WDR72: variants seen among roughly 807,000 people sequenced by gnomAD.
WDR72 encodes the protein WD repeat-containing protein 72.
In WDR72, 120 loss-of-function variants were observed where a neutral mutation model predicts 124.2. The observed-to-expected ratio is 0.97, with a 90% CI of 0.83 to 1.12. WDR72 has a LOEUF of 1.12. WDR72 is among the 50% of genes most tolerant of loss of function. The pLI is 0.00. For missense variants in WDR72, 1,387 were observed against 1,278.8 expected, an observed-to-expected ratio of 1.08 and a Z score of -1.29; for synonymous variants, 452 against 441.7, an observed-to-expected ratio of 1.02 and a Z score of -0.29.
chr15:53,641,696 C>CAGA (rs2014857740), intron 14 of WDR72, among the ~76,000 whole-genome samples: 2 of 151,728 alleles, frequency 1.3e-5, no homozygotes, highest in African/African-American at 4.8e-5. Context: ...TTGCATATTT[C>CAGA]TTATGAAATC....
At position 53,639,146 on chromosome 15, in the gene WDR72, CCT is replaced by C. The variant is rs1418940734; in HGVS notation, c.1963-22905_1963-22904del. On this transcript the variant is annotated intron_variant, in intron 14 of 19. Transcript: ENST00000360509. ...CCTTTTCTTTCCCTTCTCTGAATCCCCTCTCTTTCTTCAATGCCTTTCCTACC... is the reference window on the plus strand; with the variant it reads ...CCTTTTCTTTCCCTTCTCTGAATCCCCTCTTTCTTCAATGCCTTTCCTACC... Among the ~76,000 whole-genome samples, 8 of 152,154 alleles carry C rather than the reference CCT, an allele frequency of 5.3e-5. No individual in the cohort carries two copies. The East Asian group carries it at 7.7e-4, about 15-fold the overall frequency.
chr15:53,649,584 A>G (rs1020758530), intron 14 of WDR72, among the ~76,000 whole-genome samples: 2 of 152,100 alleles, frequency 1.3e-5, no homozygotes, highest in African/African-American at 4.8e-5. Flanking sequence ...TTACAACTCT[A>G]TAGCAAAAAA....
At chr15:53,538,687 T>A (rs2140250140) in intron 18 of WDR72, among the ~76,000 whole-genome samples, 1 of 152,314 alleles carries the variant, frequency 6.6e-6, no homozygotes, top group African/African-American at 2.4e-5. Flanking sequence ...TTTGGTTTAT[T>A]ATAAAAAGTT....
At chr15:53,673,853 T>C (rs2016075755) in intron 13 of WDR72, among the ~76,000 whole-genome samples, 1 of 152,040 alleles carries the variant, frequency 6.6e-6, no homozygotes, top group Non-Finnish European at 1.5e-5. Context: ...TAGCCAGGCG[T>C]GGTGCTGCAC....
chr15:53,538,448 T>C (rs531727094), intron 18 of WDR72, among the ~76,000 whole-genome samples: 10 of 152,132 alleles, frequency 6.6e-5, no homozygotes, highest in Non-Finnish European at 1.5e-4. Context: ...GCAAACACAT[T>C]AGTGGAGGAG....
chr15:53,526,766 A>G (rs925923651), intron 18 of WDR72, among the ~76,000 whole-genome samples: 1 of 152,132 alleles, frequency 6.6e-6, no homozygotes, highest in African/African-American at 2.4e-5. Flanking sequence ...TACTTTTGAC[A>G]TCAATATAAT....
intron 18 of WDR72, among the ~76,000 whole-genome samples, chr15:53,558,604 A>G (rs933448418): frequency 2.6e-5 from 4 of 152,010 alleles, no homozygotes; most frequent in African/African-American, 9.7e-5. Flanking sequence ...ACATCCCATT[A>G]AAGTATGTTT....
intron 14 of WDR72, among the ~76,000 whole-genome samples, chr15:53,663,652 C>T (rs2015681504): frequency 6.6e-6 from 1 of 152,040 alleles, no homozygotes; most frequent in Non-Finnish European, 1.5e-5. Flanking sequence ...ACGCATAGGT[C>T]AAGAGACATT....
intron 13 of WDR72, among the ~76,000 whole-genome samples, chr15:53,688,979 T>A (rs2016743969): frequency 6.6e-6 from 1 of 152,200 alleles, no homozygotes; most frequent in South Asian, 2.1e-4. Flanking sequence ...ATTCCCTATT[T>A]AATAAATGGT....
chr15:53,596,547 G>A (rs2012782703), intron 18 of WDR72, among the ~76,000 whole-genome samples: 2 of 152,214 alleles, frequency 1.3e-5, no homozygotes, highest in Non-Finnish European at 2.9e-5. Context: ...AAGGTACAAA[G>A]TAAAAGCAAA....
chr15:53,522,247 T>C (rs1891844539), intron 19 of WDR72, among the ~76,000 whole-genome samples: 1 of 152,010 alleles, frequency 6.6e-6, no homozygotes, highest in Admixed American at 6.6e-5. Flanking sequence ...GACTGTTTGT[T>C]TGCAGCTGCC....
intron 2 of WDR72, among the ~76,000 whole-genome samples, chr15:53,725,894 C>T (rs564647307): frequency 5.3e-5 from 8 of 151,802 alleles, no homozygotes; most frequent in African/African-American, 1.2e-4. Context: ...GCTAACAGGA[C>T]GAACCTCGTA....
At chr15:53,537,491 A>G (rs1435390213) in intron 18 of WDR72, among the ~76,000 whole-genome samples, 2 of 152,300 alleles carry the variant, frequency 1.3e-5, no homozygotes, top group African/African-American at 4.8e-5. Context: ...CAGTTCAAAT[A>G]CAATCCTGGC....
At chr15:53,540,872 A>C (rs1893073556) in intron 18 of WDR72, 1 of 154,100 alleles carries the variant, frequency 6.5e-6, no homozygotes, top group Admixed American at 6.5e-5. Flanking sequence ...TAGTCAAAGA[A>C]AGGGGTGACG....
intron 19 of WDR72, among the ~76,000 whole-genome samples, chr15:53,521,985 T>C (rs186126191): frequency 9.2e-5 from 14 of 152,194 alleles, no homozygotes; most frequent in Admixed American, 9.2e-4. Flanking sequence ...TCATTAAACA[T>C]TTCTGTCACT....
At chr15:53,535,303 T>TACA (rs1892703260) in intron 18 of WDR72, among the ~76,000 whole-genome samples, 1 of 152,172 alleles carries the variant, frequency 6.6e-6, no homozygotes, top group Non-Finnish European at 1.5e-5. Flanking sequence ...CCTCATTGTA[T>TACA]TGCCATGGAA....
At chr15:53,715,655 G>A (rs2017683076) in intron 4 of WDR72, among the ~76,000 whole-genome samples, 1 of 128,178 alleles carries the variant, frequency 7.8e-6, no homozygotes, top group Non-Finnish European at 1.9e-5. Flanking sequence ...GTGCAACTTG[G>A]AACTAAACAA....
At chr15:53,622,599 A>T (rs1455620705) in intron 14 of WDR72, among the ~76,000 whole-genome samples, 1 of 152,028 alleles carries the variant, frequency 6.6e-6, no homozygotes, top group Non-Finnish European at 1.5e-5. Context: ...ACAGGAGGGG[A>T]AAACACACAC....
At chr15:53,643,213 T>C (rs1265327863) in intron 14 of WDR72, among the ~76,000 whole-genome samples, 1 of 152,182 alleles carries the variant, frequency 6.6e-6, no homozygotes, top group African/African-American at 2.4e-5. Flanking sequence ...AACTGAAAAC[T>C]GATACAGATA....
Sources: gnomAD v4.1 joint callset for allele counts (sites outside exome capture counted in the v4.1 genomes callset) on GRCh38, gnomAD v4.1.1 for gene constraint, MANE v1.5 for transcripts, NCBI Gene and HGNC (gene_info 2026-07-23, HGNC 2026-07-21) for gene names.